TTN: variants seen among roughly 807,000 people sequenced by gnomAD.
The protein encoded by TTN is titin, also known as connectin.
A neutral mutation model predicts 3,223.0 loss-of-function variants in TTN; 1,525 were observed. That is an observed-to-expected ratio of 0.47 (90% CI 0.45 to 0.49). The LOEUF (loss-of-function observed/expected upper bound fraction) is 0.49. Among genes scored for constraint, TTN ranks in the 20% least tolerant of loss-of-function variants. TTN has a pLI of 0.00. For synonymous variants in TTN, 14,094 were observed against 15,161.0 expected (o/e 0.93, Z 5.17); for missense variants, 40,786 against 43,424.0 (o/e 0.94, Z 5.40).
Position 178,614,300 on chromosome 2 carries a change from T to G in TTN, c.49097A>C (p.Glu16366Ala). 5.0e-6 allele frequency: 8 copies of G among 1,612,788 alleles called. No individual in the cohort carries two copies. The highest frequency in any genetic ancestry group is 4.2e-6 in the Non-Finnish European group (5 of 1,179,266). ...AAFDITDVTNESCLLTWNPPR... is the reference protein window; with the variant it reads ...AAFDITDVTNASCLLTWNPPR... ...TGGGTTCCATGTTAGAAGACATGAC[T>G]CATTGGTTACATCTGTGATGTCAAA... Residue 16366 changes from glutamate to alanine, a missense_variant, in exon 262 of 363, where the codon GAG becomes GCG. By Grantham distance (107) the Glu-to-Ala change is moderately radical. Transcript: ENST00000589042.
In TTN at chr2:178,594,066, C is replaced by A; in HGVS notation, c.58327G>T (p.Ala19443Ser). 1 of 1,613,498 alleles carries A rather than the reference C, an allele frequency of 6.2e-7. No homozygotes were observed. ...CGTTTGGCCTTGATCTTCTCTAAAGCAAGTGTTGCTGGTGTAGTCTTTATA... is the reference window on the plus strand; with the variant it reads ...CGTTTGGCCTTGATCTTCTCTAAAGAAAGTGTTGCTGGTGTAGTCTTTATA... The part of the protein sequence containing the change: ...THIKTTPATL[A>S]LEKIKAKRSD... Residue 19443 changes from alanine to serine, a missense_variant, in exon 297 of 363, where the codon GCT becomes TCT. Physicochemically the swap from Ala to Ser is moderately conservative, Grantham distance 99 (BLOSUM62 1). Transcript: ENST00000589042.
chr2:178,676,021 G>T, intron 147 of TTN, 26 bp from the exon 148 acceptor site: 1 of 1,569,884 alleles, frequency 6.4e-7, no homozygotes. Flanking sequence ...TTCATGATAA[G>T]GATTTATTTT....
chr2:178,794,888 G>A, intron 7 of TTN, 34 bp downstream of exon 7: 5 of 1,597,176 alleles, frequency 3.1e-6, no homozygotes, highest in Non-Finnish European at 4.2e-6. Flanking sequence ...ACTAGAATGT[G>A]AAATAAGGAA....
rs760330778 is a variant in TTN at position 178,589,630 on chromosome 2, G to A, written c.62095C>T (p.Pro20699Ser). The A allele has an allele frequency of 1.2e-6, 2 of 1,613,252 alleles. No homozygotes were observed. The highest frequency in any genetic ancestry group is 1.1e-5 in the South Asian group (1 of 91,052). The change falls in exon 304 of 363, where the codon CCA becomes TCA. Residue 20699 changes from proline (P) to serine (S), a missense_variant. By Grantham distance (74) the Pro-to-Ser change is moderately conservative. Coordinates refer to ENST00000589042, the MANE Select transcript of TTN (RefSeq NM_001267550.2). ...CTCTCAACATGATATGACAGATTTG[G>A]ACTGCCACCATCATAGTCAGGCCTC... ...WRRPDYDGGS[P>S]NLSYHVERRL...
Position 178,549,364 on chromosome 2 carries a change from A to G in TTN, c.92262T>C (p.Tyr30754=), listed in dbSNP as rs1212338157. The part of the protein sequence containing the change: ...ESDGGSEIQQ[Y]ILERREKKST... ...TTTTCTTTTCTCTTCTTTCAAGGAT[A>G]TACTGTTGAATTTCACTGCCACCAT... Residue 30754 remains tyrosine (Y), a synonymous_variant, in exon 339 of 363, where the codon TAT becomes TAC. Transcript: ENST00000589042. 2 of 1,613,844 alleles carry G rather than the reference A, an allele frequency of 1.2e-6. No homozygotes were observed. The highest frequency in any genetic ancestry group is 1.7e-6 in the Non-Finnish European group (2 of 1,179,804).
Position 178,802,277 on chromosome 2 carries a change from G to C in TTN, c.156C>G (p.Pro52=), listed in dbSNP as rs72647842. The change falls in exon 3 of 363, where the codon CCC becomes CCG. Residue 52 remains proline (P), a synonymous_variant. Transcript: ENST00000589042. ...CATCGCTAAAGGAGATCTGCACGCC[G>C]GGCAGAGTGGAAGTGGAAATCACCT... ...DGQVISTSTL[P]GVQISFSDGR... The C allele has an allele frequency of 1.9e-5, 30 of 1,614,002 alleles. No homozygotes were observed. The highest frequency in any genetic ancestry group is 1.6e-4 in the Middle Eastern group (1 of 6,082).
rs794729265 is a variant in TTN at position 178,612,355 on chromosome 2, G to A, written c.50170C>T (p.Arg16724Ter). The change falls in exon 266 of 363, where the codon CGA becomes TGA. Residue 16724 changes from arginine (R) to a stop codon, truncating the protein, a stop_gained. Transcript: ENST00000589042. LOFTEE classifies it high-confidence loss of function. ...CCTATAGCATTTTCTGCAGCAACTC[G>A]GAACACATATAAAGAGCCCTCAGTC... Reference protein sequence around the residue: ...PLTEGSLYVFRVAAENAIGQS... With the variant: ...PLTEGSLYVF 2.5e-6 allele frequency: 4 copies of A among 1,612,288 alleles called. No individual in the cohort carries two copies. Among genetic ancestry groups the A allele is most frequent in the Non-Finnish European group, 3.4e-6 (4 of 1,179,168 alleles).
intron 65 of TTN, 47 bp from the exon 66 acceptor site, chr2:178,728,825 T>C (rs370228780): frequency 5.7e-5 from 90 of 1,576,998 alleles, no homozygotes; most frequent in Non-Finnish European, 6.6e-5. Context: ...GTAACTCCAC[T>C]AGAAATAATG....
rs906965623 is a variant in TTN at position 178,775,033 on chromosome 2, T to C, written c.6678A>G (p.Arg2226=). The change falls in exon 29 of 363, where the codon AGA becomes AGG. Residue 2226 remains arginine, a synonymous_variant. Transcript: ENST00000589042. The stretch of plus-strand genomic sequence containing the variant: ...TCAGTATGGAGAGGAAGTGAACCTT[T>C]CTGTCAGAGTGCATCCTGTATTTAT... The part of the protein sequence containing the change: ...EGDKYRMHSD[R]KVHFLSILTI... The C allele has an allele frequency of 1.1e-5, 17 of 1,614,052 alleles. No individual in the cohort carries two copies. The highest frequency in any genetic ancestry group is 1.7e-5 in the Admixed American group (1 of 60,012).
At chr2:178,630,204 G>A (rs373609157) in intron 239 of TTN, 37 bp downstream of exon 239, 1 of 1,610,136 alleles carries the variant, frequency 6.2e-7, no homozygotes, top group East Asian at 2.2e-5. Context: ...CTGAAAAAGT[G>A]TTTATTTAAT....
Position 178,547,318 on chromosome 2 carries a change from A to G in TTN, c.94220-13T>C, listed in dbSNP as rs768671259. 1.9e-6 allele frequency: 3 copies of G among 1,592,390 alleles called. No homozygotes were observed. In the South Asian group the frequency reaches 3.4e-5, roughly 18 times the overall value. Reference sequence around the variant, plus strand: ...GCGCTTGGTGGGACTAAATATAAACAAAGGTATTAAGTATGAATACAATTT... The same window carrying G: ...GCGCTTGGTGGGACTAAATATAAACGAAGGTATTAAGTATGAATACAATTT... On this transcript the variant is annotated splice_polypyrimidine_tract_variant and intron_variant, in intron 339 of 362. Transcript: ENST00000589042.
rs1696849077 is a variant in TTN at position 178,545,858 on chromosome 2, G to A, written c.95378C>T (p.Pro31793Leu). 7.4e-6 allele frequency: 12 copies of A among 1,613,804 alleles called. No homozygotes were observed. The highest frequency in any genetic ancestry group is 1.0e-5 in the Non-Finnish European group (12 of 1,179,750). The change falls in exon 343 of 363, where the codon CCT becomes CTT. Residue 31793 changes from proline (P) to leucine (L), a missense_variant. Pro to Leu is a moderately conservative substitution (Grantham distance 98). Transcript: ENST00000589042. ...GGCTACAATTGGCTCTGATTCAACAGGCACACCAGGGCCATATTTGTTTAC... is the reference window on the plus strand; with the variant it reads ...GGCTACAATTGGCTCTGATTCAACAAGCACACCAGGGCCATATTTGTTTAC... ...RAVNKYGPGV[P>L]VESEPIVARN...
chr2:178,609,653 G>A, intron 272 of TTN, 31 bp downstream of exon 272: 2 of 1,552,988 alleles, frequency 1.3e-6, no homozygotes, highest in South Asian at 1.3e-5. Flanking sequence ...TTCAAAATGG[G>A]AAAGTGGCAA....
chr2:178,620,463 T>A lies in TTN; in HGVS notation c.46058A>T (p.Lys15353Met). 6.2e-7 allele frequency: 1 copy of A among 1,612,396 alleles called. No individual in the cohort carries two copies. Among genetic ancestry groups the A allele is most frequent in the Non-Finnish European group, 8.5e-7 (1 of 1,178,968 alleles). Residue 15353 changes from lysine (K) to methionine (M), a missense_variant, in exon 248 of 363, where the codon AAG becomes ATG. Lys to Met is a moderately conservative substitution (Grantham distance 95). Transcript: ENST00000589042. ...FDNRVSYRVD[K>M]YKHMLTIKDC... The stretch of plus-strand genomic sequence containing the variant: ...TTTAATGGTTAACATGTGCTTGTAC[T>A]TATCAACTCTGTATGAGACACGGTT...
At position 178,735,769 on chromosome 2, in the gene TTN, C is replaced by T; in HGVS notation, c.14677G>A (p.Glu4893Lys). The change falls in exon 50 of 363, where the codon GAA becomes AAA. Residue 4893 changes from glutamate to lysine, a missense_variant. Coordinates refer to ENST00000589042, the MANE Select transcript of TTN (RefSeq NM_001267550.2). The part of the protein sequence containing the change: ...IIIDKPHFIK[E>K]LEPVQSAINK... Reference sequence around the variant, plus strand: ...ATAGCGGACTGCACAGGCTCTAATTCTTTAATGAAATGTGGCTTATCAATG... The same window carrying T: ...ATAGCGGACTGCACAGGCTCTAATTTTTTAATGAAATGTGGCTTATCAATG... 6.2e-7 allele frequency: 1 copy of T among 1,613,760 alleles called. No homozygotes were observed. Among genetic ancestry groups the T allele is most frequent in the Non-Finnish European group, 8.5e-7 (1 of 1,179,796 alleles).
In TTN at chr2:178,527,672, A is replaced by G. The variant is rs1194351192; in HGVS notation, c.107454T>C (p.Ser35818=). ...TGGAGGCAGACATTTGGACTGACTG[A>G]GACGAGAAGCTTCCTTGCAAGCTTG... ...GDTSLQGSFS[S]QSVQMSASKQ... Residue 35818 remains serine (S), a synonymous_variant, in exon 362 of 363, where the codon TCT becomes TCC. Coordinates refer to ENST00000589042, the MANE Select transcript of TTN (RefSeq NM_001267550.2). 6.2e-7 allele frequency: 1 copy of G among 1,613,656 alleles called. No individual in the cohort carries two copies. The highest frequency in any genetic ancestry group is 8.5e-7 in the Non-Finnish European group (1 of 1,179,580).
In TTN at chr2:178,706,939, G is replaced by A. The variant is rs1220249423; in HGVS notation, c.29057C>T (p.Ala9686Val). The A allele has an allele frequency of 6.2e-7, 1 of 1,609,226 alleles. No individual in the cohort carries two copies. The highest frequency in any genetic ancestry group is 8.5e-7 in the Non-Finnish European group (1 of 1,177,854). ...KVTIKDKPAV[A>V]PATKKAAVDG... is the part of the protein sequence containing the mutation. ...TACCGCAGCTTTCTTGGTTGCTGGG[G>A]CCACAGCTGGTTTGTCTGAAAAAAC... is the stretch of plus-strand genomic sequence containing the variant. The change falls in exon 101 of 363, where the codon GCC becomes GTC. Residue 9686 changes from alanine (A) to valine (V), a missense_variant. Transcript: ENST00000589042.
chr2:178,595,842 T>C, intron 294 of TTN, 33 bp from the exon 295 acceptor site: 1 of 1,545,366 alleles, frequency 6.5e-7, no homozygotes, highest in Non-Finnish European at 8.7e-7. Context: ...TCAAGCTGTT[T>C]GCCTTCAATG....
chr2:178,764,602 C>A lies in TTN; in HGVS notation c.9913G>T (p.Asp3305Tyr), dbSNP rs746334195. ...GCTTCACAGGTATAGACTGCCGCATCCTCTGGGAAGGCTTCAATTAGCAAA... is the reference window on the plus strand; with the variant it reads ...GCTTCACAGGTATAGACTGCCGCATACTCTGGGAAGGCTTCAATTAGCAAA... ...TLLLIEAFPE[D>Y]AAVYTCEAKN... The change falls in exon 42 of 363, where the codon GAT (aspartate) becomes TAT (tyrosine). Residue 3305 changes from aspartate to tyrosine, a missense_variant. Physicochemically the swap from Asp to Tyr is radical, Grantham distance 160. Coordinates refer to ENST00000589042, the MANE Select transcript of TTN (RefSeq NM_001267550.2). 1 of 1,614,126 alleles carries A rather than the reference C, an allele frequency of 6.2e-7. No individual in the cohort carries two copies. The highest frequency in any genetic ancestry group is 8.5e-7 in the Non-Finnish European group (1 of 1,180,024).
Sources: gnomAD v4.1 joint callset for allele counts on GRCh38, gnomAD v4.1.1 for gene constraint, MANE v1.5 for transcripts, NCBI Gene and HGNC (gene_info 2026-07-23, HGNC 2026-07-21) for gene names.